POLR1B: variants seen among roughly 807,000 people sequenced by gnomAD.
POLR1B encodes the protein DNA-directed RNA polymerase I subunit RPA2.
In POLR1B, 30 loss-of-function variants were observed where a neutral mutation model predicts 105.8. That is an observed-to-expected ratio of 0.28 (90% CI 0.21 to 0.38). The LOEUF (loss-of-function observed/expected upper bound fraction) is 0.38, where lower values mean the gene tolerates loss of function less well. POLR1B is among the 10% of genes least tolerant of loss of function. The pLI, the probability that POLR1B is intolerant of heterozygous loss-of-function variation, is 1.00. For synonymous variants in POLR1B, 485 were observed against 505.1 expected, an observed-to-expected ratio of 0.96 and a Z score of 0.53; for missense variants, 976 against 1,435.8, an observed-to-expected ratio of 0.68 and a Z score of 5.17.
At chr2:112,572,502 T>C (rs960212158) in intron 12 of POLR1B, 60 bp from the exon 13 acceptor site, 4 of 1,274,588 alleles carry the variant, frequency 3.1e-6, no homozygotes, top group African/African-American at 1.5e-5. Context: ...GTGTTGCGTA[T>C]CACACCTATA....
chr2:112,547,213 C>T, intron 2 of POLR1B, 34 bp downstream of exon 2: 2 of 1,608,290 alleles, frequency 1.2e-6, no homozygotes, highest in Non-Finnish European at 1.7e-6. Flanking sequence ...ACTCTCAACA[C>T]TGCACATATT....
chr2:112,566,154 T>C (rs1386796154), intron 10 of POLR1B, among the ~76,000 whole-genome samples: 2 of 152,216 alleles, frequency 1.3e-5, no homozygotes, highest in African/African-American at 4.8e-5. Flanking sequence ...TTTAGGTTTA[T>C]GTTTTGCTTC....
At position 112,551,968 on chromosome 2, in the gene POLR1B, C is replaced by G; in HGVS notation, c.956C>G (p.Pro319Arg). 6.2e-7 allele frequency: 1 copy of G among 1,614,100 alleles called. No individual in the cohort carries two copies. The highest frequency in any genetic ancestry group is 8.5e-7 in the Non-Finnish European group (1 of 1,179,980). Residue 319 changes from proline (P) to arginine (R), a missense_variant, in exon 6 of 15, where the codon CCA (proline) becomes CGA (arginine). Pro to Arg is a moderately radical substitution (Grantham distance 103, BLOSUM62 -2). Transcript: ENST00000263331. ...RVKLNVPDWY[P>R]NEQAAEFLFN... ...AAACTCAATGTTCCTGACTGGTACC[C>G]AAATGAGCAAGCTGCGGAGTTCCTG...
At chr2:112,549,981 C>T (rs1239403466) in intron 4 of POLR1B, among the ~76,000 whole-genome samples, 2 of 152,124 alleles carry the variant, frequency 1.3e-5, no homozygotes. Flanking sequence ...TGATTTTTAT[C>T]AATCATAAGC....
intron 10 of POLR1B, among the ~76,000 whole-genome samples, chr2:112,565,846 G>T (rs1684247526): frequency 6.6e-6 from 1 of 152,130 alleles, no homozygotes. Flanking sequence ...GGTTGAGGGT[G>T]GGGGTGAAAG....
At chr2:112,563,669 G>A (rs538091620) in intron 9 of POLR1B, among the ~76,000 whole-genome samples, 51 of 152,246 alleles carry the variant, frequency 3.3e-4, no homozygotes, top group East Asian at 2.1e-3. Flanking sequence ...AGGCCAAGGC[G>A]AGAGGATTGC....
chr2:112,568,441 A>T (rs974691316), intron 11 of POLR1B, among the ~76,000 whole-genome samples: 4 of 152,154 alleles, frequency 2.6e-5, no homozygotes, highest in Non-Finnish European at 5.9e-5. Flanking sequence ...ATTCCATTAG[A>T]TTCACACTCA....
In POLR1B at chr2:112,568,791, G is replaced by A. The variant is rs1239814139; in HGVS notation, c.1963G>A (p.Val655Ile). ...CTTTGAGGATGAAGTTTTTGCTGGA[G>A]TTACCACACACCAGGAACTCTTTCC... ...AIFEDEVFAG[V>I]TTHQELFPHS... Residue 655 changes from valine (V) to isoleucine (I), a missense_variant, in exon 12 of 15, where the codon GTT becomes ATT. Around this residue, in one of 12 missense-constraint regions of POLR1B, gnomAD observed 184 missense variants for 197.4 expected, o/e 0.93. Transcript: ENST00000263331. 1 of 1,614,008 alleles carries A rather than the reference G, an allele frequency of 6.2e-7. No individual in the cohort carries two copies. The highest frequency in any genetic ancestry group is 1.7e-5 in the Admixed American group (1 of 59,996).
intron 8 of POLR1B, among the ~76,000 whole-genome samples, chr2:112,558,718 A>G (rs1192252822): frequency 1.3e-5 from 2 of 151,940 alleles, no homozygotes; most frequent in Non-Finnish European, 2.9e-5. Flanking sequence ...TCCCAGGCTC[A>G]GGTGATCCTC....
chr2:112,573,519 C>A, intron 13 of POLR1B, 43 bp from the exon 14 acceptor site: 1 of 1,569,338 alleles, frequency 6.4e-7, no homozygotes, highest in Non-Finnish European at 8.6e-7. Context: ...TTTTGAAAAT[C>A]CTCAATTGGC....
At position 112,547,040 on chromosome 2, in the gene POLR1B, A is replaced by G. The variant is rs776118770; in HGVS notation, c.206A>G (p.Lys69Arg). The change falls in exon 2 of 15, where the codon AAA becomes AGA. Residue 69 changes from lysine (K) to arginine (R), a missense_variant. Physicochemically the swap from Lys to Arg is conservative, Grantham distance 26 (BLOSUM62 2). Around this residue, in one of 12 missense-constraint regions of POLR1B, gnomAD observed 452 missense variants for 616.5 expected, o/e 0.73. Coordinates refer to ENST00000263331, the MANE Select transcript of POLR1B (RefSeq NM_019014.6). ...ATACCTCCCTTTGAATTTGCTTTCAAAGATGAGCGTATCTCTTTTACTATT... is the reference window on the plus strand; with the variant it reads ...ATACCTCCCTTTGAATTTGCTTTCAGAGATGAGCGTATCTCTTTTACTATT... Reference protein sequence around the residue: ...QAIPPFEFAFKDERISFTILD... With the variant: ...QAIPPFEFAFRDERISFTILD... The G allele has an allele frequency of 1.4e-4, 224 of 1,614,088 alleles. No homozygotes were observed. The highest frequency in any genetic ancestry group is 1.9e-4 in the Non-Finnish European group (221 of 1,180,034).
At position 112,547,116 on chromosome 2, in the gene POLR1B, A is replaced by G; in HGVS notation, c.282A>G (p.Lys94=). 6.2e-7 allele frequency: 1 copy of G among 1,614,160 alleles called. No individual in the cohort carries two copies. ...PPTVPKGTIC[K]EANVYPAECR... ...CAGTTCCAAAAGGGACCATCTGCAAAGAGGCCAATGTTTATCCAGCAGAAT... is the reference window on the plus strand; with the variant it reads ...CAGTTCCAAAAGGGACCATCTGCAAGGAGGCCAATGTTTATCCAGCAGAAT... The change falls in exon 2 of 15, where the codon AAA becomes AAG. Residue 94 remains lysine, a synonymous_variant. Transcript: ENST00000263331.
chr2:112,563,881 A>T (rs1355035659), intron 9 of POLR1B, among the ~76,000 whole-genome samples: 3 of 152,172 alleles, frequency 2.0e-5, no homozygotes, highest in Non-Finnish European at 4.4e-5. Flanking sequence ...TGAGCGACAG[A>T]GCAAGACCCT....
At chr2:112,574,743 A>G (rs1010279908) in intron 14 of POLR1B, 104 bp from the exon 15 acceptor site, 27 of 875,098 alleles carry the variant, frequency 3.1e-5, no homozygotes, top group Non-Finnish European at 4.3e-5. Flanking sequence ...AAAAAAAAAA[A>G]AAGTTTTACA....
At chr2:112,560,061 A>C (rs944408927) in intron 9 of POLR1B, among the ~76,000 whole-genome samples, 1 of 152,020 alleles carries the variant, frequency 6.6e-6, no homozygotes, top group African/African-American at 2.4e-5. Context: ...TAGAAGGCCG[A>C]ATGCATTCTT....
intron 9 of POLR1B, among the ~76,000 whole-genome samples, chr2:112,563,145 C>G (rs1209971065): frequency 6.6e-6 from 1 of 151,220 alleles, no homozygotes; most frequent in Non-Finnish European, 1.5e-5. Context: ...AGCTCTGCCT[C>G]CCGGGTTCAC....
At chr2:112,572,845 G>A in intron 13 of POLR1B, 87 bp downstream of exon 13, 1 of 1,157,836 alleles carries the variant, frequency 8.6e-7, no homozygotes, top group Non-Finnish European at 1.2e-6. Context: ...ATATTTTTGT[G>A]TACCCAAGTA....
chr2:112,542,345 A>G, upstream of POLR1B: 1 of 1,554,424 alleles, frequency 6.4e-7, no homozygotes, highest in Non-Finnish European at 8.7e-7. Flanking sequence ...AGAAACCGAA[A>G]CCGCAGGGCC....
At position 112,556,987 on chromosome 2, in the gene POLR1B, G is replaced by C. The variant is rs115927235; in HGVS notation, c.1159-923G>C. Among the ~76,000 whole-genome samples the C allele has an allele frequency of 2.6e-3, 393 of 152,086 alleles. 1 individual carries two copies. The highest frequency in any genetic ancestry group is 9.1e-3 in the African/African-American group (377 of 41,496). On this transcript the variant is annotated intron_variant, in intron 7 of 14. Coordinates refer to ENST00000263331, the MANE Select transcript of POLR1B (RefSeq NM_019014.6). ...TCGAAATCCCCTCTTCTAGCTTTTTGAAAATATACAATAAGGCTGGGTGTG... is the reference window on the plus strand; with the variant it reads ...TCGAAATCCCCTCTTCTAGCTTTTTCAAAATATACAATAAGGCTGGGTGTG...
Sources: allele counts gnomAD v4.1 joint callset (sites outside exome capture counted in the v4.1 genomes callset), GRCh38; gene constraint gnomAD v4.1.1; regional missense constraint gnomAD v4.1.1; transcripts MANE v1.5; gene names NCBI Gene and HGNC (gene_info 2026-07-23, HGNC 2026-07-21).